The following TRAFD1 variants were observed in gnomAD, a reference collection of about 807,000 sequenced individuals.
The protein encoded by TRAFD1 is TRAF-type zinc finger domain containing 1.
In TRAFD1, 38 loss-of-function variants were observed where a neutral mutation model predicts 65.3. The observed-to-expected ratio is 0.58, with a 90% CI of 0.45 to 0.76. The LOEUF (loss-of-function observed/expected upper bound fraction) is 0.76, where lower values mean the gene tolerates loss of function less well. Ranked by LOEUF, TRAFD1 falls within the 30% of genes least tolerant of loss-of-function variation. TRAFD1 has a pLI of 0.00. For missense variants in TRAFD1, 631 were observed against 712.6 expected (o/e 0.89, Z 1.30); for synonymous variants, 223 against 257.2 (o/e 0.87, Z 1.27).
At chr12:112,148,988 C>T (rs148228270) in intron 8 of TRAFD1, among the ~76,000 whole-genome samples, 238 of 152,176 alleles carry the variant, frequency 1.6e-3, no homozygotes, top group African/African-American at 5.5e-3. Flanking sequence ...GAGGCTGAGG[C>T]GGGCAGATCA....
At chr12:112,134,009 T>A (rs2079580440) in intron 2 of TRAFD1, among the ~76,000 whole-genome samples, 1 of 142,712 alleles carries the variant, frequency 7.0e-6, no homozygotes, top group Non-Finnish European at 1.5e-5. Context: ...TAATTTTTTT[T>A]TTTTTTTTTT....
rs1307583419 is a variant in TRAFD1 at position 112,148,102 on chromosome 12, C to A, written c.956C>A (p.Pro319His). The change falls in exon 8 of 12, where the codon CCT becomes CAT. Residue 319 changes from proline to histidine, a missense_variant. Pro to His is a moderately conservative substitution (Grantham distance 77). Transcript: ENST00000412615. ...QTSCNPSRAL[P>H]SLNTGSSSPR... ...AGCTGTAACCCTTCACGTGCCTTACCTTCACTCAATACTGGCAGCTCTTCC... is the reference window on the plus strand; with the variant it reads ...AGCTGTAACCCTTCACGTGCCTTACATTCACTCAATACTGGCAGCTCTTCC... The A allele has an allele frequency of 6.2e-7, 1 of 1,614,040 alleles. No individual in the cohort carries two copies. Among genetic ancestry groups the A allele is most frequent in the South Asian group, 1.1e-5 (1 of 91,080 alleles).
intron 4 of TRAFD1, among the ~76,000 whole-genome samples, chr12:112,139,631 C>T (rs1015616743): frequency 1.3e-5 from 2 of 152,106 alleles, no homozygotes; most frequent in African/African-American, 4.8e-5. Flanking sequence ...CCATGTTGGT[C>T]AGGCTGGTCT....
In TRAFD1 at chr12:112,142,256, C is replaced by G. The variant is rs2030112043; in HGVS notation, c.811C>G (p.Gln271Glu). Residue 271 changes from glutamine to glutamate, a missense_variant, in exon 6 of 12, where the codon CAG becomes GAG. Physicochemically the swap from Gln to Glu is conservative, Grantham distance 29. Transcript: ENST00000412615. ...CTGGAGGGCCGTATGTGAGGCCGAC[C>G]AGTCTCATGGCGGTCCCAGGTCTCT... ...DFWRAVCEAD[Q>E]SHGGPRSLSD... is the part of the protein sequence containing the mutation. 5 of 1,613,802 alleles carry G rather than the reference C, an allele frequency of 3.1e-6. No homozygotes were observed. Among genetic ancestry groups the G allele is most frequent in the Non-Finnish European group, 4.2e-6 (5 of 1,179,846 alleles).
At chr12:112,145,935 C>T (rs142172130) in intron 7 of TRAFD1, among the ~76,000 whole-genome samples, 219 of 148,680 alleles carry the variant, frequency 1.5e-3, no homozygotes, top group African/African-American at 5.3e-3. Flanking sequence ...AACCAAACAC[C>T]ACATGTTCTC....
intron 1 of TRAFD1, among the ~76,000 whole-genome samples, chr12:112,128,927 G>C (rs1377069745): frequency 6.6e-6 from 1 of 150,934 alleles, no homozygotes; most frequent in African/African-American, 2.4e-5. Context: ...TGTGGTCCCA[G>C]CTACTCAGGA....
chr12:112,152,979 G>A lies in TRAFD1; in HGVS notation c.*188G>A. The A allele has an allele frequency of 1.6e-6, 1 of 606,438 alleles. No individual in the cohort carries two copies. Among genetic ancestry groups the A allele is most frequent in the Non-Finnish European group, 2.8e-6 (1 of 355,294 alleles). The allele number at this position is 606,438 out of a possible 1,614,324, so 37.6% of individuals were successfully genotyped here. A position where few individuals can be genotyped will look rare whatever the true frequency, so the allele number is the denominator to read the frequency against. On this transcript the variant is annotated 3_prime_UTR_variant, in exon 12 of 12. Transcript: ENST00000412615. The surrounding 1 kb of genome is among the most constrained non-coding windows in gnomAD (Gnocchi z 5.0). ...GGTTTGGGTTTGAGGGAAGGGAGCA[G>A]GGTGGCGGTTGAGGAACGCTTCAGC...
chr12:112,147,981 A>G, intron 7 of TRAFD1, 93 bp from the exon 8 acceptor site: 2 of 1,256,758 alleles, frequency 1.6e-6, no homozygotes, highest in East Asian at 5.1e-5. Flanking sequence ...GCATTGTTAA[A>G]ATTATATGAC....
rs1445843254 is a variant in TRAFD1 at position 112,152,954 on chromosome 12, G to A, written c.*163G>A. 5.3e-6 allele frequency: 4 copies of A among 753,094 alleles called. No homozygotes were observed. Among genetic ancestry groups the A allele is most frequent in the Non-Finnish European group, 8.3e-6 (4 of 480,232 alleles). 46.7% of individuals were successfully genotyped at this position (753,094 alleles called of 1,614,324 possible). A position where few individuals can be genotyped will look rare whatever the true frequency, so the allele number is the denominator to read the frequency against. On this transcript the variant is annotated 3_prime_UTR_variant, in exon 12 of 12. Transcript: ENST00000412615. The surrounding 1 kb of genome is among the most constrained non-coding windows in gnomAD (Gnocchi z 5.0). ...GTGTCTTTTGAGGTTGTGCTGTGGG[G>A]GTTTGGGTTTGAGGGAAGGGAGCAG...
At chr12:112,138,483 G>A (rs778097782) in intron 4 of TRAFD1, among the ~76,000 whole-genome samples, 18 of 151,850 alleles carry the variant, frequency 1.2e-4, no homozygotes, top group Non-Finnish European at 2.2e-4. Context: ...CTGTGAGGCA[G>A]AGGTTGCAGT....
intron 1 of TRAFD1, among the ~76,000 whole-genome samples, chr12:112,127,090 T>C (rs1386218269): frequency 6.6e-6 from 1 of 152,242 alleles, no homozygotes; most frequent in East Asian, 1.9e-4. Flanking sequence ...TTTTTTATTA[T>C]GCTCTTCCAG....
intron 6 of TRAFD1, among the ~76,000 whole-genome samples, chr12:112,144,154 C>CGT (rs1156581416): frequency 6.6e-6 from 1 of 152,004 alleles, no homozygotes; most frequent in Admixed American, 6.6e-5. Context: ...AGGCTTGCTA[C>CGT]GTGTGTGTGT....
At chr12:112,146,016 T>G (rs2030231239) in intron 7 of TRAFD1, among the ~76,000 whole-genome samples, 6 of 122,086 alleles carry the variant, frequency 4.9e-5, no homozygotes, top group East Asian at 2.7e-4. Context: ...CTGGGGACTG[T>G]TGTGGGGTTG....
In TRAFD1 at chr12:112,152,795, T is replaced by C. The variant is rs1298662945; in HGVS notation, c.*4T>C. Reference sequence around the variant, plus strand: ...AGAAGAGGAAGAGGAGGAGTAATGGTGTCTCCAGAGACTTTACATCGGTTC... The same window carrying C: ...AGAAGAGGAAGAGGAGGAGTAATGGCGTCTCCAGAGACTTTACATCGGTTC... On this transcript the variant is annotated 3_prime_UTR_variant, in exon 12 of 12. Coordinates refer to ENST00000412615, the MANE Select transcript of TRAFD1 (RefSeq NM_006700.3). The surrounding 1 kb of genome is among the most constrained non-coding windows in gnomAD (Gnocchi z 5.0). The C allele has an allele frequency of 6.2e-7, 1 of 1,614,098 alleles. No homozygotes were observed. Among genetic ancestry groups the C allele is most frequent in the Admixed American group, 1.7e-5 (1 of 60,022 alleles).
chr12:112,140,447 T>G (rs2030056073), intron 4 of TRAFD1, among the ~76,000 whole-genome samples: 1 of 150,622 alleles, frequency 6.6e-6, no homozygotes, highest in Non-Finnish European at 1.5e-5. Context: ...AAGACTGAAT[T>G]GGAATAGTTG....
rs370979776 is a variant in TRAFD1 at position 112,151,855 on chromosome 12, C to T, written c.1334C>T (p.Pro445Leu). The change falls in exon 10 of 12, where the codon CCC becomes CTC. Residue 445 changes from proline (P) to leucine (L), a missense_variant. Physicochemically the swap from Pro to Leu is moderately conservative, Grantham distance 98 (BLOSUM62 -3). Transcript: ENST00000412615. ...ACTAAGCAGGAAACAGCTAATGGGC[C>T]CACCTCCTGTCTGCCTCCCAGCCGA... Reference protein sequence around the residue: ...DDTKQETANGPTSCLPPSRPI... With the variant: ...DDTKQETANGLTSCLPPSRPI... The T allele has an allele frequency of 6.2e-7, 1 of 1,614,072 alleles. No individual in the cohort carries two copies. The highest frequency in any genetic ancestry group is 1.3e-5 in the African/African-American group (1 of 74,912).
rs1214893858 is a variant in TRAFD1, at chr12:112,141,183, A to C, written c.602A>C (p.Gln201Pro). ...SDVFHNRTTNQRNITAQVSIQ... is the reference protein window; with the variant it reads ...SDVFHNRTTNPRNITAQVSIQ... Reference sequence around the variant, plus strand: ...GTTTTCCACAATAGAACTACCAACCAAAGGAACATTACAGCCCAGGTTTCA... The same window carrying C: ...GTTTTCCACAATAGAACTACCAACCCAAGGAACATTACAGCCCAGGTTTCA... The change falls in exon 5 of 12, where the codon CAA becomes CCA. Residue 201 changes from glutamine to proline, a missense_variant. Gln to Pro is a moderately conservative substitution (Grantham distance 76). Transcript: ENST00000412615. The C allele has an allele frequency of 1.2e-6, 2 of 1,614,168 alleles. No individual in the cohort carries two copies. Among genetic ancestry groups the C allele is most frequent in the East Asian group, 4.5e-5 (2 of 44,884 alleles).
intron 4 of TRAFD1, among the ~76,000 whole-genome samples, chr12:112,136,084 G>A (rs1026387250): frequency 1.3e-5 from 2 of 150,612 alleles, no homozygotes; most frequent in African/African-American, 2.4e-5. Flanking sequence ...AGCCGAGATC[G>A]CGCCACTGCA....
At chr12:112,146,998 T>G (rs923958666) in intron 7 of TRAFD1, among the ~76,000 whole-genome samples, 10 of 122,020 alleles carry the variant, frequency 8.2e-5, no homozygotes, top group Admixed American at 2.9e-4. Flanking sequence ...TTTTTTTTTT[T>G]TTTTTTTTTT....
Sources: gnomAD v4.1 joint callset for allele counts (sites outside exome capture counted in the v4.1 genomes callset) on GRCh38, gnomAD v4.1.1 for gene constraint, Gnocchi (gnomAD v3.1) non-coding constraint, MANE v1.5 for transcripts, NCBI Gene and HGNC (gene_info 2026-07-23, HGNC 2026-07-21) for gene names.